PTPN3: variants seen among roughly 807,000 people sequenced by gnomAD.
PTPN3 encodes tyrosine-protein phosphatase non-receptor type 3.
Under a neutral mutation model 132.7 loss-of-function variants are expected in PTPN3, and 96 were observed. The ratio of observed to expected loss-of-function variants is 0.72; its 90% CI spans 0.61 to 0.86. The LOEUF (loss-of-function observed/expected upper bound fraction) is 0.86, where lower values mean the gene tolerates loss of function less well. Ranked by LOEUF, PTPN3 falls within the 40% of genes least tolerant of loss-of-function variation. The probability of loss-of-function intolerance (pLI) is 0.00; values close to 1 mark genes in which losing one functional copy is unlikely to be tolerated. For missense variants in PTPN3, 1,125 were observed against 1,159.6 expected (o/e 0.97, Z 0.43); for synonymous variants, 398 against 429.0 (o/e 0.93, Z 0.89).
At chr9:109,406,756 T>G (rs2131734279) in intron 17 of PTPN3, 138 bp from the exon 18 acceptor site, 1 of 999,892 alleles carries the variant, frequency 1.0e-6, no homozygotes, top group East Asian at 2.4e-5. Flanking sequence ...ACTGTCATTA[T>G]TTGTATAATG....
At chr9:109,396,181 C>T (rs1349776070) in intron 19 of PTPN3, among the ~76,000 whole-genome samples, 3 of 152,114 alleles carry the variant, frequency 2.0e-5, no homozygotes, top group African/African-American at 4.8e-5. Flanking sequence ...TAAAATTTAT[C>T]GACTCTTCTC....
intron 1 of PTPN3, among the ~76,000 whole-genome samples, chr9:109,468,342 T>G (rs1227821241): frequency 2.6e-5 from 4 of 152,226 alleles, no homozygotes; most frequent in Non-Finnish European, 5.9e-5. Context: ...CGAAGCTCTA[T>G]TGTGGATACA....
intron 14 of PTPN3, among the ~76,000 whole-genome samples, chr9:109,416,298 G>A (rs1168601898): frequency 1.3e-5 from 2 of 152,140 alleles, no homozygotes; most frequent in South Asian, 2.1e-4. Flanking sequence ...GCTGTCTAAC[G>A]ACAGAGCACA....
At chr9:109,494,962 A>G (rs1176200352) in intron 1 of PTPN3, among the ~76,000 whole-genome samples, 1 of 152,060 alleles carries the variant, frequency 6.6e-6, no homozygotes, top group Non-Finnish European at 1.5e-5. Context: ...CTGGAGATGC[A>G]ACATTTCTGG....
At chr9:109,535,147 C>T in the PTPN3 span, among the ~76,000 whole-genome samples, 2 of 152,176 alleles carry the variant, frequency 1.3e-5, no homozygotes, top group Non-Finnish European at 2.9e-5. Flanking sequence ...AATTGTGGTT[C>T]GTATTTCTCA....
chr9:109,439,757 A>G (rs1399546895), intron 7 of PTPN3, among the ~76,000 whole-genome samples: 1 of 152,158 alleles, frequency 6.6e-6, no homozygotes, highest in Non-Finnish European at 1.5e-5. Flanking sequence ...ATAAATACAA[A>G]AATTAGCCAG....
At chr9:109,521,562 T>C in the PTPN3 span, among the ~76,000 whole-genome samples, 1 of 152,202 alleles carries the variant, frequency 6.6e-6, no homozygotes, top group Non-Finnish European at 1.5e-5. Flanking sequence ...CCTCTCATCC[T>C]TGGGGTGTCA....
intron 1 of PTPN3, among the ~76,000 whole-genome samples, chr9:109,485,561 TA>T (rs1240544444): frequency 3.9e-5 from 6 of 152,240 alleles, no homozygotes; most frequent in Non-Finnish European, 8.8e-5. Flanking sequence ...AAAAGAGTCA[TA>T]TATGATCCAG....
chr9:109,412,204 C>A (rs567310441), intron 14 of PTPN3, among the ~76,000 whole-genome samples: 1 of 151,970 alleles, frequency 6.6e-6, no homozygotes, highest in African/African-American at 2.4e-5. Context: ...CCTGCACCCC[C>A]CCAATCCATT....
chr9:109,402,486 C>G (rs554999828), intron 19 of PTPN3, among the ~76,000 whole-genome samples: 60 of 152,040 alleles, frequency 3.9e-4, no homozygotes, highest in African/African-American at 1.3e-3. Context: ...ACCATGTTGG[C>G]CAGGCTGGTC....
At chr9:109,497,328 T>C (rs1366233154) in intron 1 of PTPN3, among the ~76,000 whole-genome samples, 2 of 152,122 alleles carry the variant, frequency 1.3e-5, no homozygotes, top group African/African-American at 4.8e-5. Context: ...TCCACATAAT[T>C]TATCCCACTT....
At chr9:109,503,037 C>G (rs1246436162), upstream of PTPN3, among the ~76,000 whole-genome samples, 1 of 152,082 alleles carries the variant, frequency 6.6e-6, no homozygotes. Flanking sequence ...TTATAGTTCT[C>G]TAAATCTTAT....
chr9:109,418,602 T>C (rs1842687316), intron 14 of PTPN3, among the ~76,000 whole-genome samples: 2 of 152,186 alleles, frequency 1.3e-5, no homozygotes, highest in African/African-American at 4.8e-5. Flanking sequence ...ATAAACGTGT[T>C]AGTCTAGATG....
chr9:109,409,015 C>T (rs1201911157), intron 16 of PTPN3, among the ~76,000 whole-genome samples: 7 of 151,452 alleles, frequency 4.6e-5, no homozygotes, highest in African/African-American at 1.7e-4. Context: ...GGGGGGTAGG[C>T]GACCACCTGC....
At chr9:109,524,676 G>A in the PTPN3 span, among the ~76,000 whole-genome samples, 4 of 152,190 alleles carry the variant, frequency 2.6e-5, no homozygotes, top group South Asian at 4.1e-4. Flanking sequence ...TGATAGGATC[G>A]TTATGGATTC....
At chr9:109,405,302 G>C (rs117981250) in intron 18 of PTPN3, among the ~76,000 whole-genome samples, 200 of 152,294 alleles carry the variant, frequency 1.3e-3, no homozygotes, top group Non-Finnish European at 2.7e-3. Flanking sequence ...GTCAGAGCTG[G>C]TCCTGGTGGC....
chr9:109,485,375 G>C (rs946312374), intron 1 of PTPN3, among the ~76,000 whole-genome samples: 5 of 152,084 alleles, frequency 3.3e-5, no homozygotes, highest in African/African-American at 1.2e-4. Context: ...GGGCGTGGTG[G>C]TGGGCGCCTG....
chr9:109,450,741 A>G, intron 5 of PTPN3: 1 of 985,462 alleles, frequency 1.0e-6, no homozygotes. Flanking sequence ...CAATTAGAAT[A>G]CAGGATAGTT....
chr9:109,403,514 G>A (rs994361617), intron 19 of PTPN3, among the ~76,000 whole-genome samples: 1 of 152,020 alleles, frequency 6.6e-6, no homozygotes, highest in Non-Finnish European at 1.5e-5. Flanking sequence ...TTTATTACAG[G>A]AATTACTCTG....
Sources: gnomAD v4.1 joint callset for allele counts (sites outside exome capture counted in the v4.1 genomes callset) on GRCh38, gnomAD v4.1.1 for gene constraint, MANE v1.5 for transcripts, NCBI Gene and HGNC (gene_info 2026-07-23, HGNC 2026-07-21) for gene names.